TPM3: variants seen among roughly 807,000 people sequenced by gnomAD.
TPM3 encodes tropomyosin 3, also known as tropomyosin alpha-3 chain.
TPM3 carries 16 observed loss-of-function variants against 43.1 expected under a neutral mutation model. That is an observed-to-expected ratio of 0.37 (90% CI 0.25 to 0.56). TPM3 has a LOEUF of 0.56. Among genes scored for constraint, TPM3 ranks in the 20% least tolerant of loss-of-function variants. The pLI is 0.77. For synonymous variants in TPM3, 101 were observed against 116.9 expected (o/e 0.86, Z 0.88); for missense variants, 176 against 337.2 (o/e 0.52, Z 3.74).
Position 154,170,637 on chromosome 1 carries a change from C to A in TPM3, c.705+12G>T, listed in dbSNP as rs1661469058. 2.5e-6 allele frequency: 4 copies of A among 1,612,556 alleles called. No individual in the cohort carries two copies. Among genetic ancestry groups the A allele is most frequent in the Non-Finnish European group, 3.4e-6 (4 of 1,178,922 alleles). On this transcript the variant is annotated intron_variant, in intron 7 of 9. Transcript: ENST00000651641. ...TGTTTTGGGTTCTGCCCTATAAATC[C>A]CCTCAGCTCACCTCCTTGAGTTTAT...
rs1007364297 is a variant in TPM3, at chr1:154,166,618, G to A, written c.*1319C>T. The A allele has an allele frequency of 1.1e-4, 110 of 1,043,262 alleles. No individual in the cohort carries two copies. The highest frequency in any genetic ancestry group is 5.7e-5 in the East Asian group (1 of 17,514). The allele number at this position is 1,043,262 out of a possible 1,614,324, so 64.6% of individuals were successfully genotyped here. On this transcript the variant is annotated 3_prime_UTR_variant, in exon 10 of 10. Transcript: ENST00000651641. Reference sequence around the variant, plus strand: ...AAAGTACTAAGTGAACAACACTTACGTGCTTGGATTAGTATAATTCACAGC... The same window carrying A: ...AAAGTACTAAGTGAACAACACTTACATGCTTGGATTAGTATAATTCACAGC...
rs886045314 is a variant in TPM3 at position 154,167,531 on chromosome 1, A to G, written c.*406T>C. 154 of 1,097,034 alleles carry G rather than the reference A, an allele frequency of 1.4e-4. No individual in the cohort carries two copies. The highest frequency in any genetic ancestry group is 1.7e-4 in the Non-Finnish European group (152 of 897,598). The allele number at this position is 1,097,034 out of a possible 1,614,324, so 68.0% of individuals were successfully genotyped here. Reference sequence around the variant, plus strand: ...CTTGAGGAGTATAACTAAAATTACTATCCTGAGTAACCTGTACTAAATCCA... The same window carrying G: ...CTTGAGGAGTATAACTAAAATTACTGTCCTGAGTAACCTGTACTAAATCCA... On this transcript the variant is annotated 3_prime_UTR_variant, in exon 10 of 10. Coordinates refer to ENST00000651641, the MANE Select transcript of TPM3 (RefSeq NM_152263.4).
intron 5 of TPM3, chr1:154,172,220 G>T (rs1402986223): frequency 2.0e-6 from 2 of 991,860 alleles, no homozygotes; most frequent in African/African-American, 1.6e-5. Flanking sequence ...TCAAAAAATG[G>T]GAAGAGAACA....
chr1:154,191,269 T>C lies in TPM3; in HGVS notation c.160A>G (p.Thr54Ala). 1 of 1,614,152 alleles carries C rather than the reference T, an allele frequency of 6.2e-7. No individual in the cohort carries two copies. Among genetic ancestry groups the C allele is most frequent in the Non-Finnish European group, 8.5e-7 (1 of 1,180,040 alleles). The stretch of plus-strand genomic sequence containing the variant: ...GAATACTTGTCCAGCTCATCCTCTG[T>C]CCCTTTCAGCTTCTTCTGCATGGCT... ...LAAMQKKLKG[T>A]EDELDKYSEA... The change falls in exon 2 of 10, where the codon ACA becomes GCA. Residue 54 changes from threonine (T) to alanine (A), a missense_variant. Transcript: ENST00000651641.
At chr1:154,184,359 C>A (rs1663295857) in intron 2 of TPM3, among the ~76,000 whole-genome samples, 1 of 152,110 alleles carries the variant, frequency 6.6e-6, no homozygotes, top group Admixed American at 6.6e-5. Flanking sequence ...ATTAACCAAC[C>A]TTCCAGCCCC....
chr1:154,178,014 C>A, intron 2 of TPM3: 1 of 366,556 alleles, frequency 2.7e-6, no homozygotes, highest in Non-Finnish European at 3.8e-6. Flanking sequence ...TTCTCTGTAA[C>A]AACACACATT....
At position 154,163,129 on chromosome 1, in the gene TPM3, AG is replaced by A; in HGVS notation, c.*4807del. ...CGGTCTACTTCCTTCCTTTCTAAGA[AG>A]TCTTTCTTCATGTCAAAGCCAACTT... On this transcript the variant is annotated 3_prime_UTR_variant, in exon 10 of 10. Coordinates refer to ENST00000651641, the MANE Select transcript of TPM3 (RefSeq NM_152263.4). Among the ~76,000 whole-genome samples the A allele has an allele frequency of 6.6e-6, 1 of 152,282 alleles. No homozygotes were observed. The highest frequency in any genetic ancestry group is 2.4e-5 in the African/African-American group (1 of 41,566).
chr1:154,175,245 G>A (rs1018852381), intron 3 of TPM3, among the ~76,000 whole-genome samples: 2 of 151,668 alleles, frequency 1.3e-5, no homozygotes, highest in African/African-American at 4.8e-5. Context: ...GCAGGAGAAT[G>A]GCGTGAACCC....
intron 2 of TPM3, among the ~76,000 whole-genome samples, chr1:154,190,301 A>G (rs1663625890): frequency 6.6e-6 from 1 of 152,220 alleles, no homozygotes; most frequent in Non-Finnish European, 1.5e-5. Flanking sequence ...TCACTGAGAA[A>G]CTTGTTTCCA....
At chr1:154,171,823 A>G in intron 5 of TPM3, 1 of 682,452 alleles carries the variant, frequency 1.5e-6, no homozygotes, top group East Asian at 2.6e-5. Flanking sequence ...CACCCAAAGG[A>G]AGGAGACCCT....
At chr1:154,184,200 AT>A (rs370211975) in intron 2 of TPM3, among the ~76,000 whole-genome samples, 22 of 148,806 alleles carry the variant, frequency 1.5e-4, no homozygotes, top group East Asian at 1.2e-3. Context: ...CGCCCGGCTA[AT>A]TTTTTTTTTG....
At position 154,191,908 on chromosome 1, in the gene TPM3, A is replaced by G; in HGVS notation, c.111T>C (p.Ser37=). 6.2e-7 allele frequency: 1 copy of G among 1,613,472 alleles called. No homozygotes were observed. Among genetic ancestry groups the G allele is most frequent in the Non-Finnish European group, 8.5e-7 (1 of 1,179,882 alleles). Residue 37 remains serine, a synonymous_variant, in exon 1 of 10, where the codon AGT becomes AGC. Coordinates refer to ENST00000651641, the MANE Select transcript of TPM3 (RefSeq NM_152263.4). The part of the protein sequence containing the change: ...EAEQKQAEER[S]KQLEDELAAM... ...GATCAATGCCAGTGCCTACCTGTTT[A>G]CTTCTTTCTTCTGCCTGCTTCTGCT...
chr1:154,190,711 C>A (rs1318599695), intron 2 of TPM3, among the ~76,000 whole-genome samples: 1 of 152,194 alleles, frequency 6.6e-6, no homozygotes, highest in Non-Finnish European at 1.5e-5. Context: ...CCATATATGG[C>A]CAGGGTCAGT....
chr1:154,171,720 G>C, intron 5 of TPM3: 1 of 626,822 alleles, frequency 1.6e-6, no homozygotes, highest in Non-Finnish European at 2.8e-6. Flanking sequence ...TACTAATAAA[G>C]CACTTGAGAG....
At chr1:154,174,359 AATATATGTGTATAT>A (rs1661969003) in intron 3 of TPM3, among the ~76,000 whole-genome samples, 1 of 54,708 alleles carries the variant, frequency 1.8e-5, no homozygotes, top group Non-Finnish European at 3.6e-5. Flanking sequence ...ATATTATTTA[AATATATGTGTATAT>A]ATATATATAT....
intron 2 of TPM3, among the ~76,000 whole-genome samples, chr1:154,188,930 A>G (rs1663540651): frequency 6.6e-6 from 1 of 151,612 alleles, no homozygotes; most frequent in African/African-American, 2.4e-5. Flanking sequence ...CAGGAGTTGG[A>G]GACCAGCCTG....
Position 154,166,491 on chromosome 1 carries a change from T to C in TPM3, c.*1446A>G, listed in dbSNP as rs1571382304. The C allele has an allele frequency of 2.9e-6, 3 of 1,036,570 alleles. No individual in the cohort carries two copies. In the South Asian group the frequency reaches 1.4e-4, roughly 48 times the overall value. The allele number at this position is 1,036,570 out of a possible 1,614,324, so 64.2% of individuals were successfully genotyped here. ...CAGAACTCCTGGGCTCAAGCAATCC[T>C]CCTGCCTCAGCCTCCCAAGAAGCTA... On this transcript the variant is annotated 3_prime_UTR_variant, in exon 10 of 10. Transcript: ENST00000651641.
At chr1:154,183,168 C>A (rs1266036817) in intron 2 of TPM3, 3 of 1,596,852 alleles carry the variant, frequency 1.9e-6, no homozygotes, top group South Asian at 2.2e-5. Flanking sequence ...CTCCTCCGCT[C>A]GGCGTTGCAG....
rs1248435437 is a variant in TPM3 at position 154,167,116 on chromosome 1, C to G, written c.*821G>C. Among the ~76,000 whole-genome samples, 1 of 152,178 alleles carries G rather than the reference C, an allele frequency of 6.6e-6. No homozygotes were observed. The highest frequency in any genetic ancestry group is 2.4e-5 in the African/African-American group (1 of 41,452). On this transcript the variant is annotated 3_prime_UTR_variant, in exon 10 of 10. Coordinates refer to ENST00000651641, the MANE Select transcript of TPM3 (RefSeq NM_152263.4). ...ATTATTTGAAATATGCATGATTGGT[C>G]ATTTTAGTTTTCCCAATAATAATTT...
Sources: allele counts gnomAD v4.1 joint callset (sites outside exome capture counted in the v4.1 genomes callset), GRCh38; gene constraint gnomAD v4.1.1; transcripts MANE v1.5; gene names NCBI Gene and HGNC (gene_info 2026-07-23, HGNC 2026-07-21).